NEO1: variants seen among roughly 807,000 people sequenced by gnomAD.
The protein encoded by NEO1 is neogenin.
Under a neutral mutation model 159.7 loss-of-function variants are expected in NEO1, and 63 were observed. That is an observed-to-expected ratio of 0.39 (90% CI 0.32 to 0.49). The LOEUF (loss-of-function observed/expected upper bound fraction) is 0.49. Ranked by LOEUF, NEO1 falls within the 20% of genes least tolerant of loss-of-function variation. The pLI is 0.85. For synonymous variants in NEO1, 633 were observed against 662.0 expected (o/e 0.96, Z 0.67); for missense variants, 1,615 against 1,831.0 (o/e 0.88, Z 2.15).
rs1433031919 is a variant in NEO1, at chr15:73,147,724, G to A, written c.1015+11697G>A. ...AATTTCAAGCATTCCTTAATAATTA[G>A]CCCACTCTGGGTCTCTTATTTATTA... On this transcript the variant is annotated intron_variant, in intron 5 of 28. Transcript: ENST00000261908. Among the ~76,000 whole-genome samples, 6 of 151,874 alleles carry A rather than the reference G, an allele frequency of 4.0e-5. No homozygotes were observed. The East Asian group carries it at 1.2e-3, about 29-fold the overall frequency.
intron 7 of NEO1, among the ~76,000 whole-genome samples, chr15:73,180,280 A>G (rs1273457170): frequency 6.6e-6 from 1 of 152,174 alleles, no homozygotes; most frequent in Non-Finnish European, 1.5e-5. Flanking sequence ...CATGGCATAT[A>G]TGTAGGATTT....
At chr15:73,091,084 G>T (rs978474866) in intron 1 of NEO1, among the ~76,000 whole-genome samples, 13 of 152,146 alleles carry the variant, frequency 8.5e-5, no homozygotes, top group African/African-American at 1.9e-4. Context: ...TTGAACCCAC[G>T]CTCTTATCCA....
chr15:73,184,032 A>G (rs531264722), intron 7 of NEO1, among the ~76,000 whole-genome samples: 7 of 152,308 alleles, frequency 4.6e-5, no homozygotes, highest in Non-Finnish European at 8.8e-5. Flanking sequence ...AAGCCCATCT[A>G]TTGAGAGAGA....
intron 7 of NEO1, among the ~76,000 whole-genome samples, chr15:73,232,659 C>A (rs533214904): frequency 6.6e-6 from 1 of 152,216 alleles, no homozygotes; most frequent in African/African-American, 2.4e-5. Context: ...GTTACCAAGC[C>A]TTCTCACCAC....
chr15:73,182,915 C>T (rs2035697767), intron 7 of NEO1, among the ~76,000 whole-genome samples: 1 of 152,154 alleles, frequency 6.6e-6, no homozygotes, highest in Admixed American at 6.5e-5. Flanking sequence ...AGATCATATG[C>T]ATTGTTTCAC....
At chr15:73,128,330 A>G (rs1419110461) in intron 4 of NEO1, among the ~76,000 whole-genome samples, 1 of 151,898 alleles carries the variant, frequency 6.6e-6, no homozygotes, top group Non-Finnish European at 1.5e-5. Flanking sequence ...TTAATTGGCT[A>G]CAAGTTAGAA....
In NEO1 at chr15:73,283,042, T is replaced by G. The variant is rs758325798; in HGVS notation, c.3341T>G (p.Val1114Gly). 27 of 1,614,086 alleles carry G rather than the reference T, an allele frequency of 1.7e-5. No individual in the cohort carries two copies. The highest frequency in any genetic ancestry group is 2.2e-5 in the Non-Finnish European group (26 of 1,180,054). ...CTGGTCATAATTGTTTCTGTTGGCGTCATCACCATCGTGGTGGTTGTGATT... is the reference window on the plus strand; with the variant it reads ...CTGGTCATAATTGTTTCTGTTGGCGGCATCACCATCGTGGTGGTTGTGATT... The part of the protein sequence containing the change: ...MLLVIIVSVG[V>G]ITIVVVVIIA... The change falls in exon 23 of 29, where the codon GTC (valine) becomes GGC (glycine). Residue 1114 changes from valine (V) to glycine (G), a missense_variant. Transcript: ENST00000261908.
rs540956315 is a variant in NEO1, at chr15:73,176,988, A to G, written c.1170+431A>G. On this transcript the variant is annotated intron_variant, in intron 6 of 28. Coordinates refer to ENST00000261908, the MANE Select transcript of NEO1 (RefSeq NM_002499.4). ...CCTTTTGAAAAACATAATATGTAAG[A>G]ATGCAACTGACTATACAAAACTTAA... is the stretch of plus-strand genomic sequence containing the variant. Among the ~76,000 whole-genome samples, 19 of 152,308 alleles carry G rather than the reference A, an allele frequency of 1.2e-4. No homozygotes were observed. The East Asian group carries it at 2.3e-3, about 19-fold the overall frequency.
At chr15:73,149,675 A>C (rs2033217996) in intron 5 of NEO1, among the ~76,000 whole-genome samples, 1 of 152,370 alleles carries the variant, frequency 6.6e-6, no homozygotes, top group South Asian at 2.1e-4. Context: ...TCACATTATG[A>C]ATTAGAAATG....
intron 5 of NEO1, among the ~76,000 whole-genome samples, chr15:73,136,319 C>T (rs1057248854): frequency 1.3e-5 from 2 of 151,788 alleles, no homozygotes; most frequent in African/African-American, 4.8e-5. Flanking sequence ...CTTATAAAAC[C>T]CCTGGAATAG....
At chr15:73,123,897 T>C (rs927615612) in intron 3 of NEO1, among the ~76,000 whole-genome samples, 24 of 152,232 alleles carry the variant, frequency 1.6e-4, no homozygotes, top group African/African-American at 5.8e-4. Context: ...GACTGTGAGC[T>C]ACAACTCTTG....
At chr15:73,071,071 C>T (rs1254810334) in intron 1 of NEO1, among the ~76,000 whole-genome samples, 1 of 151,770 alleles carries the variant, frequency 6.6e-6, no homozygotes, top group East Asian at 2.0e-4. Context: ...CTCAAGCCTC[C>T]TGAGTAGCTT....
intron 28 of NEO1, 142 bp downstream of exon 28, chr15:73,301,599 A>C: frequency 8.9e-7 from 1 of 1,117,972 alleles, no homozygotes. Flanking sequence ...CATTCAGTAG[A>C]TACAGTGTTG....
At chr15:73,277,539 T>C (rs2041475501) in intron 21 of NEO1, among the ~76,000 whole-genome samples, 1 of 152,154 alleles carries the variant, frequency 6.6e-6, no homozygotes, top group Non-Finnish European at 1.5e-5. Flanking sequence ...TTTCAGCCTC[T>C]GGAATGTTTA....
intron 7 of NEO1, among the ~76,000 whole-genome samples, chr15:73,206,660 A>G (rs2037246465): frequency 6.6e-6 from 1 of 151,960 alleles, no homozygotes; most frequent in Non-Finnish European, 1.5e-5. Context: ...TACTCTATGG[A>G]ATATCTCTGG....
At position 73,266,587 on chromosome 15, in the gene NEO1, C is replaced by CT. The variant is rs199871105; in HGVS notation, c.2494+186dup. Among the ~76,000 whole-genome samples, 35 of 147,192 alleles carry CT rather than the reference C, an allele frequency of 2.4e-4. 1 individual carries two copies. The highest frequency in any genetic ancestry group is 3.4e-3 in the Middle Eastern group (1 of 292). Reference sequence around the variant, plus strand: ...TGGAAAGTTCTGTTAATTTGTTTTGCTTTTTTTTTTGGAAGATTCTAATTC... The same window carrying CT: ...TGGAAAGTTCTGTTAATTTGTTTTGCTTTTTTTTTTTGGAAGATTCTAATTC... On this transcript the variant is annotated intron_variant, in intron 16 of 28. Transcript: ENST00000261908.
intron 7 of NEO1, among the ~76,000 whole-genome samples, chr15:73,218,880 G>T (rs2150740735): frequency 1.3e-5 from 2 of 152,206 alleles, no homozygotes; most frequent in East Asian, 3.9e-4. Context: ...CCAGCTCCTG[G>T]ATTCATTAAT....
intron 15 of NEO1, among the ~76,000 whole-genome samples, chr15:73,263,168 G>T (rs2040705109): frequency 6.7e-6 from 1 of 149,420 alleles, no homozygotes. Context: ...TTTATTATAT[G>T]CTAATTATAC....
chr15:73,223,124 T>C (rs1348453658), intron 7 of NEO1, among the ~76,000 whole-genome samples: 1 of 152,202 alleles, frequency 6.6e-6, no homozygotes, highest in African/African-American at 2.4e-5. Flanking sequence ...TTGAAGTTGA[T>C]TTCCAGTTTT....
Sources: allele counts gnomAD v4.1 joint callset (sites outside exome capture counted in the v4.1 genomes callset), GRCh38; gene constraint gnomAD v4.1.1; transcripts MANE v1.5; gene names NCBI Gene and HGNC (gene_info 2026-07-23, HGNC 2026-07-21).